The following CHD5 variants were observed in gnomAD, a reference collection of about 807,000 sequenced individuals.
The protein encoded by CHD5 is ATP-dependent chromatin remodeler CHD5.
Under a neutral mutation model 230.3 loss-of-function variants are expected in CHD5, and 69 were observed. The ratio of observed to expected loss-of-function variants is 0.30; its 90% CI spans 0.25 to 0.37. The LOEUF is 0.37. Among genes scored for constraint, CHD5 ranks in the 10% least tolerant of loss-of-function variants. CHD5 has a pLI of 1.00. For missense variants in CHD5, 1,827 were observed against 2,622.8 expected, an observed-to-expected ratio of 0.70 and a Z score of 6.63; for synonymous variants, 1,064 against 1,065.9, an observed-to-expected ratio of 1.00 and a Z score of 0.03.
chr1:6,136,152 C>T (rs748036355), intron 17 of CHD5, among the ~76,000 whole-genome samples: 13 of 152,112 alleles, frequency 8.5e-5, no homozygotes, highest in Non-Finnish European at 1.8e-4. Context: ...CTCCGGCCAC[C>T]GGGGAGCTTG....
intron 2 of CHD5, among the ~76,000 whole-genome samples, chr1:6,163,086 G>A (rs1199959400): frequency 6.6e-6 from 1 of 152,210 alleles, no homozygotes; most frequent in African/African-American, 2.4e-5. Flanking sequence ...GCACTGACAG[G>A]GCTCGCCCAG....
chr1:6,164,225 A>G (rs935250752), intron 2 of CHD5, among the ~76,000 whole-genome samples: 1 of 152,254 alleles, frequency 6.6e-6, no homozygotes, highest in Non-Finnish European at 1.5e-5. Flanking sequence ...AAACGGAGAC[A>G]TTTAAACTCA....
chr1:6,146,066 T>C lies in CHD5; in HGVS notation c.1802+146A>G, dbSNP rs984058704. ...ACTGGGAACCCTGGGCCCTTCCTTG[T>C]GCCCCTGCTGTGCCCACATGTGGTT... is the stretch of plus-strand genomic sequence containing the variant. On this transcript the variant is annotated intron_variant, in intron 11 of 41. Transcript: ENST00000262450. This position sits in a 1 kb window ranked among gnomAD's most constrained non-coding sequence, Gnocchi z 5.1. The C allele has an allele frequency of 4.1e-5, 30 of 726,490 alleles. No individual in the cohort carries two copies. Among genetic ancestry groups the C allele is most frequent in the Non-Finnish European group, 6.3e-5 (28 of 442,966 alleles). The allele number at this position is 726,490 out of a possible 1,614,324, so 45.0% of individuals were successfully genotyped here.
In CHD5 at chr1:6,112,921, C is replaced by T. The variant is rs1476026134; in HGVS notation, c.4990G>A (p.Glu1664Lys). ...AAGAGCCCCAGACCTGGCCTGAGTT[C>T]GGAACTGTCCCCTCTGCTGTGGATC... ...SLIHSRGDSS[E>K]LRPDDTKAEE... is the part of the protein sequence containing the mutation. The change falls in exon 34 of 42, where the codon GAA becomes AAA. Residue 1664 changes from glutamate to lysine, a missense_variant. Physicochemically the swap from Glu to Lys is moderately conservative, Grantham distance 56. Around this residue, in one of 14 missense-constraint regions of CHD5, gnomAD observed 272 missense variants for 263.2 expected, o/e 1.03. Coordinates refer to ENST00000262450, the MANE Select transcript of CHD5 (RefSeq NM_015557.3). 8.1e-6 allele frequency: 13 copies of T among 1,613,556 alleles called. No homozygotes were observed. The highest frequency in any genetic ancestry group is 1.1e-5 in the Non-Finnish European group (13 of 1,179,542).
chr1:6,137,930 T>C (rs1381278545), intron 15 of CHD5, among the ~76,000 whole-genome samples: 1 of 151,598 alleles, frequency 6.6e-6, no homozygotes, highest in Non-Finnish European at 1.5e-5. Context: ...GTCCCCCTAC[T>C]CCCCCTGGTG....
In CHD5 at chr1:6,152,462, G is replaced by A. The variant is rs2100866732; in HGVS notation, c.820C>T (p.Leu274Phe). The A allele has an allele frequency of 6.2e-7, 1 of 1,614,136 alleles. No individual in the cohort carries two copies. The highest frequency in any genetic ancestry group is 8.5e-7 in the Non-Finnish European group (1 of 1,180,036). ...CTGATCCCCCCGAAGCGGAACTTGA[G>A]CCCGGCCGTCTTTTTCCCTTTGCCC... Reference protein sequence around the residue: ...KKGKGKKTAGLKFRFGGISNK... With the variant: ...KKGKGKKTAGFKFRFGGISNK... Residue 274 changes from leucine to phenylalanine, a missense_variant, in exon 6 of 42, where the codon CTC (leucine) becomes TTC (phenylalanine). Coordinates refer to ENST00000262450, the MANE Select transcript of CHD5 (RefSeq NM_015557.3).
At chr1:6,157,000 G>A (rs1667090253) in intron 3 of CHD5, among the ~76,000 whole-genome samples, 1 of 152,242 alleles carries the variant, frequency 6.6e-6, no homozygotes, top group Non-Finnish European at 1.5e-5. Context: ...CTGTAAAATG[G>A]AGATAATGGC....
rs1216583704 is a variant in CHD5 at position 6,142,087 on chromosome 1, G to A, written c.2436+41C>T. On this transcript the variant is annotated intron_variant, in intron 15 of 41. Transcript: ENST00000262450. The surrounding 1 kb of genome is among the most constrained non-coding windows in gnomAD (Gnocchi z 5.2). ...CACCCGTGGTCCCTGAACTAGACCG[G>A]GGGCCTTCCTACCGTCCTTCCAAGG... The A allele has an allele frequency of 6.4e-7, 1 of 1,569,948 alleles. No homozygotes were observed.
At chr1:6,124,862 G>A (rs528421274) in intron 29 of CHD5, among the ~76,000 whole-genome samples, 1 of 152,338 alleles carries the variant, frequency 6.6e-6, no homozygotes, top group Non-Finnish European at 1.5e-5. Flanking sequence ...TGGGTGACCG[G>A]GATCTTCCTC....
chr1:6,146,361 C>T lies in CHD5; in HGVS notation c.1653G>A (p.Pro551=), dbSNP rs145934535. Residue 551 remains proline (P), a synonymous_variant, in exon 11 of 42, where the codon CCG becomes CCA. Coordinates refer to ENST00000262450, the MANE Select transcript of CHD5 (RefSeq NM_015557.3). This position sits in a 1 kb window ranked among gnomAD's most constrained non-coding sequence, Gnocchi z 5.1. ...NYQRKNDMDE[P]PPFDYGSGDE... ...CCCCAGAGCCGTAGTCAAAGGGGGG[C>T]GGCTCATCCATGTCGTTCTTTCTTT... 338 of 1,614,144 alleles carry T rather than the reference C, an allele frequency of 2.1e-4. 1 individual carries two copies. The highest frequency in any genetic ancestry group is 2.0e-3 in the African/African-American group (149 of 75,026).
chr1:6,157,698 G>A (rs1173421813), intron 3 of CHD5, among the ~76,000 whole-genome samples: 2 of 152,176 alleles, frequency 1.3e-5, no homozygotes, highest in African/African-American at 4.8e-5. Flanking sequence ...TGGCTGACCT[G>A]CCCCCGTGGA....
chr1:6,171,873 C>T (rs1406539168), intron 1 of CHD5, among the ~76,000 whole-genome samples: 1 of 152,368 alleles, frequency 6.6e-6, no homozygotes, highest in African/African-American at 2.4e-5. Flanking sequence ...GGCTGCCCCA[C>T]CACCCTCCTG....
rs541690062 is a variant in CHD5, at chr1:6,126,988, C to T, written c.3904-242G>A. ...CATTCACAAAGCAAGTATTTCCTCG[C>T]CTCCTGTCAAGCACTGAGGTACTGA... is the stretch of plus-strand genomic sequence containing the variant. On this transcript the variant is annotated intron_variant, in intron 25 of 41. Transcript: ENST00000262450. The surrounding 1 kb of genome is among the most constrained non-coding windows in gnomAD (Gnocchi z 5.7). 5 of 558,754 alleles carry T rather than the reference C, an allele frequency of 8.9e-6. No individual in the cohort carries two copies. The African/African-American group carries it at 9.4e-5, about 11-fold the overall frequency. The allele number at this position is 558,754 out of a possible 1,614,324, so 34.6% of individuals were successfully genotyped here.
intron 38 of CHD5, 90 bp downstream of exon 38, chr1:6,109,704 AC>A: frequency 9.0e-7 from 1 of 1,113,932 alleles, no homozygotes; most frequent in Non-Finnish European, 1.3e-6. Context: ...CCCAGCCCCT[AC>A]CCCATCAGTG....
At chr1:6,115,038 C>T (rs1479408087) in intron 33 of CHD5, among the ~76,000 whole-genome samples, 2 of 150,934 alleles carry the variant, frequency 1.3e-5, no homozygotes, top group South Asian at 2.1e-4. Flanking sequence ...GGGGGGCAGG[C>T]GCGGTGGCTC....
Position 6,154,953 on chromosome 1 carries a change from A to C in CHD5, c.507-55T>G. 1.3e-6 allele frequency: 2 copies of C among 1,504,722 alleles called. No individual in the cohort carries two copies. The highest frequency in any genetic ancestry group is 1.2e-5 in the South Asian group (1 of 83,766). 93.2% of individuals were successfully genotyped at this position (1,504,722 alleles called of 1,614,324 possible). A position where few individuals can be genotyped will look rare whatever the true frequency, so the allele number is the denominator to read the frequency against. On this transcript the variant is annotated intron_variant, in intron 4 of 41. Coordinates refer to ENST00000262450, the MANE Select transcript of CHD5 (RefSeq NM_015557.3). This position sits in a 1 kb window ranked among gnomAD's most constrained non-coding sequence, Gnocchi z 7.0. ...CAAGGCCAGGTGAGATGAGAGGCCC[A>C]CCCGACCCCCGGCAGGGCCCACCCC...
rs765540664 is a variant in CHD5 at position 6,134,101 on chromosome 1, G to A, written c.3144+27C>T. 6.2e-7 allele frequency: 1 copy of A among 1,605,760 alleles called. No homozygotes were observed. Among genetic ancestry groups the A allele is most frequent in the Non-Finnish European group, 8.5e-7 (1 of 1,178,256 alleles). On this transcript the variant is annotated intron_variant, in intron 20 of 41. Coordinates refer to ENST00000262450, the MANE Select transcript of CHD5 (RefSeq NM_015557.3). The surrounding 1 kb of genome is among the most constrained non-coding windows in gnomAD (Gnocchi z 6.3). ...ATGCTCTCTGTGGGGTGTGGAGCCG[G>A]GGCGGGGGTGGGCAGGGGCAGCGCA...
chr1:6,112,299 C>A (rs561142122), intron 34 of CHD5, 22 bp from the exon 35 acceptor site: 8 of 1,609,136 alleles, frequency 5.0e-6, no homozygotes, highest in Middle Eastern at 1.7e-4. Flanking sequence ...AGATCACATT[C>A]ATTCATCCAT....
Position 6,106,658 on chromosome 1 carries a change from C to T in CHD5, c.5700G>A (p.Leu1900=), listed in dbSNP as rs754540659. The T allele has an allele frequency of 4.4e-6, 7 of 1,607,618 alleles. No individual in the cohort carries two copies. Among genetic ancestry groups the T allele is most frequent in the Non-Finnish European group, 5.9e-6 (7 of 1,177,722 alleles). ...CCCCGGCGCGGTTGGTCAGGCGGCT[C>T]AGGATGCTGCGCTCCGACATCTGCA... is the stretch of plus-strand genomic sequence containing the variant. ...ARLQMSERSI[L]SRLTNRAGDP... is the part of the protein sequence containing the mutation. The change falls in exon 39 of 42, where the codon CTG becomes CTA. Residue 1900 remains leucine (L), a synonymous_variant. Coordinates refer to ENST00000262450, the MANE Select transcript of CHD5 (RefSeq NM_015557.3).
Sources: allele counts gnomAD v4.1 joint callset (sites outside exome capture counted in the v4.1 genomes callset), GRCh38; gene constraint gnomAD v4.1.1; regional missense constraint gnomAD v4.1.1; non-coding constraint Gnocchi (gnomAD v3.1); transcripts MANE v1.5; gene names NCBI Gene and HGNC (gene_info 2026-07-23, HGNC 2026-07-21).